Variants in CNTN5 observed in about 807,000 individuals in gnomAD.
CNTN5 encodes contactin 5, also known as contactin-5.
In CNTN5, 77 loss-of-function variants were observed where a neutral mutation model predicts 129.1. The observed-to-expected ratio is 0.60, with a 90% CI of 0.50 to 0.72. The LOEUF (loss-of-function observed/expected upper bound fraction) is 0.72, where lower values mean the gene tolerates loss of function less well. Ranked by LOEUF, CNTN5 falls within the 30% of genes least tolerant of loss-of-function variation. The pLI is 0.00. For synonymous variants in CNTN5, 509 were observed against 465.6 expected, an observed-to-expected ratio of 1.09 and a Z score of -1.20; for missense variants, 1,478 against 1,328.8, an observed-to-expected ratio of 1.11 and a Z score of -1.75.
At chr11:99,124,524 C>A (rs1049874153) in intron 1 of CNTN5, among the ~76,000 whole-genome samples, 4 of 151,756 alleles carry the variant, frequency 2.6e-5, no homozygotes, top group African/African-American at 9.7e-5. Context: ...AGAAAGGTCT[C>A]CAATTAACAA....
At chr11:99,090,193 C>A (rs1420150592) in intron 1 of CNTN5, among the ~76,000 whole-genome samples, 1 of 152,128 alleles carries the variant, frequency 6.6e-6, no homozygotes, top group Non-Finnish European at 1.5e-5. Flanking sequence ...TAAAAAGAGA[C>A]AACGGGGATA....
At chr11:99,778,715 A>AC (rs1027885542) in intron 3 of CNTN5, among the ~76,000 whole-genome samples, 1 of 151,856 alleles carries the variant, frequency 6.6e-6, no homozygotes. Context: ...CAAGTAATAA[A>AC]CTAAAAAAAA....
chr11:99,103,762 T>C (rs897891188), intron 1 of CNTN5, among the ~76,000 whole-genome samples: 10 of 133,942 alleles, frequency 7.5e-5, no homozygotes, highest in Non-Finnish European at 1.7e-4. Flanking sequence ...ATAGGTGTCC[T>C]TCAAAAAAAA....
At chr11:99,639,337 C>T (rs886669735) in intron 3 of CNTN5, among the ~76,000 whole-genome samples, 12 of 152,138 alleles carry the variant, frequency 7.9e-5, no homozygotes, top group South Asian at 2.1e-4. Context: ...GAGGAATGGC[C>T]GTGAAGCTCT....
At chr11:99,405,214 A>G (rs904817312) in intron 2 of CNTN5, among the ~76,000 whole-genome samples, 2 of 151,992 alleles carry the variant, frequency 1.3e-5, no homozygotes, top group Non-Finnish European at 1.5e-5. Flanking sequence ...CTTTGAGTTA[A>G]ATCTGCTTGG....
intron 1 of CNTN5, among the ~76,000 whole-genome samples, chr11:99,121,832 C>A (rs1039101559): frequency 6.6e-6 from 1 of 151,952 alleles, no homozygotes; most frequent in African/African-American, 2.4e-5. Flanking sequence ...TATTAAGCAA[C>A]AATAATGCAG....
At chr11:99,836,075 T>G (rs530790003) in intron 4 of CNTN5, among the ~76,000 whole-genome samples, 2 of 151,178 alleles carry the variant, frequency 1.3e-5, no homozygotes, top group African/African-American at 4.8e-5. Flanking sequence ...TTAATGGTTA[T>G]TCCTTGATTA....
At chr11:99,584,043 T>C (rs912309132) in intron 3 of CNTN5, among the ~76,000 whole-genome samples, 1 of 152,188 alleles carries the variant, frequency 6.6e-6, no homozygotes, top group African/African-American at 2.4e-5. Context: ...ATTAATCTCA[T>C]GAAATAGATC....
intron 3 of CNTN5, among the ~76,000 whole-genome samples, chr11:99,782,593 G>A (rs889766487): frequency 8.0e-4 from 121 of 152,006 alleles, no homozygotes; most frequent in African/African-American, 2.8e-3. Flanking sequence ...CAAGGCTACA[G>A]TAACCAAAAC....
intron 13 of CNTN5, among the ~76,000 whole-genome samples, chr11:100,179,899 T>C (rs1204859601): frequency 6.6e-6 from 1 of 152,116 alleles, no homozygotes; most frequent in South Asian, 2.1e-4. Context: ...CTTTTTTAAA[T>C]ATTTAATGTG....
At chr11:100,027,826 T>A (rs534923639) in intron 9 of CNTN5, among the ~76,000 whole-genome samples, 13 of 152,340 alleles carry the variant, frequency 8.5e-5, no homozygotes, top group African/African-American at 2.9e-4. Flanking sequence ...GGCATGTTAA[T>A]TTAACATACT....
At chr11:99,062,006 T>A (rs10892736) in intron 1 of CNTN5, among the ~76,000 whole-genome samples, 64,026 of 150,504 alleles carry the variant, frequency 0.43, 13,931 homozygotes, top group Non-Finnish European at 0.48. Context: ...AAAAAAAAAG[T>A]CTCTGTGAAT....
chr11:100,334,299 T>C (rs189199194), intron 21 of CNTN5, among the ~76,000 whole-genome samples: 24 of 152,278 alleles, frequency 1.6e-4, no homozygotes, highest in African/African-American at 5.5e-4. Flanking sequence ...GGCGTGGATG[T>C]GGTGAAAAAG....
At chr11:99,874,692 T>A (rs542226680) in intron 6 of CNTN5, among the ~76,000 whole-genome samples, 1 of 152,210 alleles carries the variant, frequency 6.6e-6, no homozygotes, top group Non-Finnish European at 1.5e-5. Context: ...AGAAAAGATA[T>A]ATGCTTGATT....
chr11:100,145,275 G>A (rs1220841205), intron 13 of CNTN5, among the ~76,000 whole-genome samples: 1 of 152,086 alleles, frequency 6.6e-6, no homozygotes, highest in African/African-American at 2.4e-5. Flanking sequence ...TACCATTCTG[G>A]ATAGCATACA....
At chr11:99,526,264 A>T (rs1947481018) in intron 2 of CNTN5, among the ~76,000 whole-genome samples, 1 of 152,188 alleles carries the variant, frequency 6.6e-6, no homozygotes, top group Non-Finnish European at 1.5e-5. Context: ...ATGCTTCAAA[A>T]TAGAGCTCTT....
chr11:100,184,855 T>C (rs371998326), intron 13 of CNTN5, among the ~76,000 whole-genome samples: 2 of 152,074 alleles, frequency 1.3e-5, no homozygotes, highest in African/African-American at 4.8e-5. Flanking sequence ...CCCACCTAAA[T>C]CTCATCTACA....
chr11:99,498,438 A>C (rs1367832268), intron 2 of CNTN5, among the ~76,000 whole-genome samples: 1 of 152,056 alleles, frequency 6.6e-6, no homozygotes, highest in Non-Finnish European at 1.5e-5. Flanking sequence ...TTTTTATTCT[A>C]ATTCATTCTA....
At chr11:99,463,437 C>CAAAAAAAA (rs1378225524) in intron 2 of CNTN5, among the ~76,000 whole-genome samples, 1 of 6,446 alleles carries the variant, frequency 1.6e-4, no homozygotes, top group African/African-American at 3.1e-4. Flanking sequence ...GACTCTGTCT[C>CAAAAAAAA]AAAAAGAAAA....
Sources: allele counts gnomAD v4.1 joint callset (sites outside exome capture counted in the v4.1 genomes callset), GRCh38; gene constraint gnomAD v4.1.1; transcripts MANE v1.5; gene names NCBI Gene and HGNC (gene_info 2026-07-23, HGNC 2026-07-21).